The following KIF26B variants were observed in gnomAD, a reference collection of about 807,000 sequenced individuals.
The protein encoded by KIF26B is kinesin family member 26B.
A neutral mutation model predicts 151.2 loss-of-function variants in KIF26B; 63 were observed. The ratio of observed to expected loss-of-function variants is 0.42; its 90% CI spans 0.34 to 0.51. The LOEUF (loss-of-function observed/expected upper bound fraction) is 0.51. Ranked by LOEUF, KIF26B falls within the 20% of genes least tolerant of loss-of-function variation. KIF26B has a pLI of 0.07. For missense variants in KIF26B, 2,813 were observed against 2,913.6 expected (o/e 0.97, Z 0.79); for synonymous variants, 1,357 against 1,262.1 (o/e 1.08, Z -1.59).
chr1:245,473,467 C>A (rs1011685488), intron 4 of KIF26B, among the ~76,000 whole-genome samples: 1 of 151,962 alleles, frequency 6.6e-6, no homozygotes, highest in Non-Finnish European at 1.5e-5. Flanking sequence ...GAGTGTGCCC[C>A]CATCGACAAA....
chr1:245,487,402 A>G (rs1457082813), intron 4 of KIF26B, among the ~76,000 whole-genome samples: 1 of 152,116 alleles, frequency 6.6e-6, no homozygotes, highest in Non-Finnish European at 1.5e-5. Context: ...GTAGGCAACC[A>G]AGCACAGGGC....
At chr1:245,517,489 G>C (rs141294786) in intron 4 of KIF26B, among the ~76,000 whole-genome samples, 1 of 152,280 alleles carries the variant, frequency 6.6e-6, no homozygotes, top group East Asian at 1.9e-4. Flanking sequence ...GAAAAATCCA[G>C]TCAACAGTTT....
rs1405303890 is a variant in KIF26B, at chr1:245,337,874, C to T, written c.466-28960C>T. Among the ~76,000 whole-genome samples the T allele has an allele frequency of 2.0e-5, 3 of 152,218 alleles. No individual in the cohort carries two copies. The East Asian group carries it at 5.8e-4, about 29-fold the overall frequency. On this transcript the variant is annotated intron_variant, in intron 2 of 14. Transcript: ENST00000407071. Reference sequence around the variant, plus strand: ...TCTTTAAAAGAAACTTATCACCCTTCGCAGCCAGGTCTCCTTTAGATAGCG... The same window carrying T: ...TCTTTAAAAGAAACTTATCACCCTTTGCAGCCAGGTCTCCTTTAGATAGCG...
chr1:245,643,970 ATATAGT>A (rs1299515768), intron 9 of KIF26B, among the ~76,000 whole-genome samples: 6 of 152,060 alleles, frequency 3.9e-5, no homozygotes, highest in African/African-American at 7.2e-5. Context: ...ATGTGCCTTG[ATATAGT>A]TTCTTCCTTT....
chr1:245,354,519 C>T (rs1672640445), intron 2 of KIF26B, among the ~76,000 whole-genome samples: 1 of 152,238 alleles, frequency 6.6e-6, no homozygotes, highest in African/African-American at 2.4e-5. Context: ...AGCGGCGCCT[C>T]TGTCACAAGG....
rs143318894 is a variant in KIF26B at position 245,521,900 on chromosome 1, C to G, written c.1167-18867C>G. Among the ~76,000 whole-genome samples the G allele has an allele frequency of 4.4e-3, 650 of 147,064 alleles. 1 individual carries two copies. Among genetic ancestry groups the G allele is most frequent in the African/African-American group, 0.015 (614 of 41,342 alleles). ...TTTTGTTTTGAGATGGAGTCTTGCT[C>G]TGTCACCCAGGCTGGATGGAGTGCA... On this transcript the variant is annotated intron_variant, in intron 4 of 14. Transcript: ENST00000407071.
At chr1:245,537,522 A>C (rs569204211) in intron 4 of KIF26B, among the ~76,000 whole-genome samples, 4 of 152,292 alleles carry the variant, frequency 2.6e-5, no homozygotes, top group Admixed American at 6.5e-5. Context: ...CAGACAAGTT[A>C]GGAGACTGTG....
chr1:245,666,140 A>G (rs2044211899), intron 10 of KIF26B, among the ~76,000 whole-genome samples: 1 of 150,600 alleles, frequency 6.6e-6, no homozygotes, highest in Admixed American at 6.7e-5. Context: ...GGCTGGGATT[A>G]CAGGCAGGTG....
At chr1:245,402,982 T>A (rs1324956620) in intron 3 of KIF26B, among the ~76,000 whole-genome samples, 1 of 152,200 alleles carries the variant, frequency 6.6e-6, no homozygotes. Context: ...TTATTTTTAT[T>A]TTTAGAAATG....
At position 245,705,810 on chromosome 1, in the gene KIF26B, C is replaced by G. The variant is rs1445664502; in HGVS notation, c.*3204C>G. ...GAGCGAGAGTTTGCTTTATCATGGG[C>G]TTTCAGTTCCCACCTGCGAGCTGCA... On this transcript the variant is annotated 3_prime_UTR_variant, in exon 15 of 15. Coordinates refer to ENST00000407071, the MANE Select transcript of KIF26B (RefSeq NM_018012.4). 1 of 152,196 alleles carries G rather than the reference C, an allele frequency of 6.6e-6. No individual in the cohort carries two copies. The highest frequency in any genetic ancestry group is 2.1e-4 in the South Asian group (1 of 4,820). The allele number at this position is 152,196 out of a possible 1,614,324, so 9.4% of individuals were successfully genotyped here. A position where few individuals can be genotyped will look rare whatever the true frequency, so the allele number is the denominator to read the frequency against.
chr1:245,195,357 C>T (rs11582977), intron 2 of KIF26B, among the ~76,000 whole-genome samples: 63,398 of 151,972 alleles, frequency 0.42, 13,791 homozygotes, highest in East Asian at 0.75. Context: ...TTGTTTGTTG[C>T]GCCTCAGTTC....
chr1:245,250,591 G>A (rs944430040), intron 2 of KIF26B, among the ~76,000 whole-genome samples: 49 of 152,114 alleles, frequency 3.2e-4, no homozygotes, highest in African/African-American at 1.2e-3. Flanking sequence ...TGGCTTCTCT[G>A]CAAATCTCAC....
In KIF26B at chr1:245,701,812, C is replaced by T. The variant is rs115240082; in HGVS notation, c.6179-646C>T. ...TCCCACCACCTTGGACTGCTGTCCA[C>T]GCCTCTCCTCCTCGTACTGGGAGCC... On this transcript the variant is annotated intron_variant, in intron 14 of 14. Coordinates refer to ENST00000407071, the MANE Select transcript of KIF26B (RefSeq NM_018012.4). Among the ~76,000 whole-genome samples the T allele has an allele frequency of 8.0e-3, 1,219 of 152,278 alleles. 14 individuals are homozygous for T. Among genetic ancestry groups the T allele is most frequent in the African/African-American group, 0.028 (1,167 of 41,536 alleles).
rs114602453 is a variant in KIF26B, at chr1:245,232,613, C to T, written c.465+75930C>T. Among the ~76,000 whole-genome samples, 4 of 148,158 alleles carry T rather than the reference C, an allele frequency of 2.7e-5. No individual in the cohort carries two copies. The South Asian group carries it at 6.4e-4, about 24-fold the overall frequency. ...TTGCGCAGGCAGGAGTACAGTGGTG[C>T]GATCTCAGCTCACCGCAACCTCTGC... is the stretch of plus-strand genomic sequence containing the variant. On this transcript the variant is annotated intron_variant, in intron 2 of 14. Coordinates refer to ENST00000407071, the MANE Select transcript of KIF26B (RefSeq NM_018012.4).
intron 4 of KIF26B, among the ~76,000 whole-genome samples, chr1:245,474,190 C>G (rs1324522185): frequency 6.6e-6 from 1 of 150,604 alleles, no homozygotes; most frequent in Non-Finnish European, 1.5e-5. Context: ...CTCACTGCAA[C>G]CTCTGCCTCC....
chr1:245,430,545 T>TA (rs2103041360), intron 4 of KIF26B, among the ~76,000 whole-genome samples: 2 of 152,156 alleles, frequency 1.3e-5, no homozygotes, highest in South Asian at 4.2e-4. Flanking sequence ...CACATACCTG[T>TA]AATCCTAGCT....
At chr1:245,409,166 G>A (rs1456973147) in intron 3 of KIF26B, among the ~76,000 whole-genome samples, 2 of 152,212 alleles carry the variant, frequency 1.3e-5, no homozygotes, top group African/African-American at 2.4e-5. Context: ...ACATGCATAT[G>A]TGCAAAACTG....
chr1:245,383,837 C>A (rs1164248722), intron 3 of KIF26B, among the ~76,000 whole-genome samples: 1 of 152,012 alleles, frequency 6.6e-6, no homozygotes, highest in Non-Finnish European at 1.5e-5. Context: ...AGGCTTTATT[C>A]TTCTAGAAAA....
intron 4 of KIF26B, among the ~76,000 whole-genome samples, chr1:245,452,995 C>T (rs1358140257): frequency 6.6e-6 from 1 of 151,998 alleles, no homozygotes; most frequent in Non-Finnish European, 1.5e-5. Context: ...ATTTAATAAT[C>T]TGTTGTCAAA....
Sources: allele counts gnomAD v4.1 joint callset (sites outside exome capture counted in the v4.1 genomes callset), GRCh38; gene constraint gnomAD v4.1.1; transcripts MANE v1.5; gene names NCBI Gene and HGNC (gene_info 2026-07-23, HGNC 2026-07-21).